TNRC6A: variants seen among roughly 807,000 people sequenced by gnomAD.
TNRC6A encodes the protein trinucleotide repeat containing adaptor 6A.
In TNRC6A, 44 loss-of-function variants were observed where a neutral mutation model predicts 221.2. The ratio of observed to expected loss-of-function variants is 0.20; its 90% CI spans 0.16 to 0.26. The LOEUF is 0.26. TNRC6A is among the 10% of genes least tolerant of loss of function. TNRC6A has a pLI of 1.00. For missense variants in TNRC6A, 2,199 were observed against 2,404.4 expected (o/e 0.91, Z 1.79); for synonymous variants, 847 against 838.5 (o/e 1.01, Z -0.18).
At chr16:24,797,011 T>C (rs1950514853) in intron 9 of TNRC6A, among the ~76,000 whole-genome samples, 1 of 152,204 alleles carries the variant, frequency 6.6e-6, no homozygotes, top group Admixed American at 6.5e-5. Flanking sequence ...AAAATACTTT[T>C]TCATGTGGAA....
chr16:24,816,871 C>G lies in TNRC6A; in HGVS notation c.4887C>G (p.Asp1629Glu). The change falls in exon 20 of 25, where the codon GAC becomes GAG. Residue 1629 changes from aspartate to glutamate, a missense_variant. Around this residue, in one of 8 missense-constraint regions of TNRC6A, gnomAD observed 449 missense variants for 579.7 expected, o/e 0.77. Transcript: ENST00000395799. ...ATCCAAACATTGACCCTGAAACTGA[C>G]CCTTACGTCACTCCTGGCAGTGTCA... ...KGYPNIDPET[D>E]PYVTPGSVIN... is the part of the protein sequence containing the mutation. 1 of 1,614,168 alleles carries G rather than the reference C, an allele frequency of 6.2e-7. No homozygotes were observed. The highest frequency in any genetic ancestry group is 8.5e-7 in the Non-Finnish European group (1 of 1,180,026).
intron 20 of TNRC6A, 34 bp from the exon 21 acceptor site, chr16:24,818,559 C>T (rs780208139): frequency 6.4e-7 from 1 of 1,563,780 alleles, no homozygotes; most frequent in African/African-American, 1.4e-5. Flanking sequence ...ACGTCCCTTG[C>T]TCTGGTGGCT....
At chr16:24,698,407 T>C (rs879857812) in intron 2 of TNRC6A, among the ~76,000 whole-genome samples, 3 of 151,978 alleles carry the variant, frequency 2.0e-5, no homozygotes, top group Non-Finnish European at 4.4e-5. Flanking sequence ...TCATAGGCAG[T>C]TGGAGTGAGA....
intron 2 of TNRC6A, among the ~76,000 whole-genome samples, chr16:24,711,119 C>T (rs2056197639): frequency 1.3e-5 from 2 of 152,170 alleles, no homozygotes; most frequent in Admixed American, 6.6e-5. Context: ...TCGTGATCCA[C>T]CTGCCTCGGC....
At position 24,806,262 on chromosome 16, in the gene TNRC6A, C is replaced by G. The variant is rs774402065; in HGVS notation, c.4308C>G (p.Asn1436Lys). The G allele has an allele frequency of 6.2e-7, 1 of 1,614,048 alleles. No individual in the cohort carries two copies. The highest frequency in any genetic ancestry group is 8.5e-7 in the Non-Finnish European group (1 of 1,180,040). Residue 1436 changes from asparagine to lysine, a missense_variant, in exon 16 of 25, where the codon AAC (asparagine) becomes AAG (lysine). Coordinates refer to ENST00000395799, the MANE Select transcript of TNRC6A (RefSeq NM_014494.4). ...AQSQRSVPSG[N>K]RPQQDQQGRP... ...GTCAGAGAAGCGTGCCTTCTGGGAA[C>G]CGGCCGCAGCAAGACCAGCAGGTAG...
intron 2 of TNRC6A, among the ~76,000 whole-genome samples, chr16:24,706,097 CACACTT>C (rs2056087841): frequency 6.6e-6 from 1 of 152,120 alleles, no homozygotes. Context: ...CACCAACGCT[CACACTT>C]ACAACATCAG....
chr16:24,816,627 C>A, intron 19 of TNRC6A, 189 bp from the exon 20 acceptor site: 1 of 662,162 alleles, frequency 1.5e-6, no homozygotes, highest in Non-Finnish European at 2.4e-6. Context: ...TAAAAACTTG[C>A]AAGTAATTTA....
rs148484325 is a variant in TNRC6A at position 24,799,539 on chromosome 16, G to A, written c.3694+1573G>A. 2.6e-3 allele frequency among the ~76,000 whole-genome samples: 399 copies of A among 152,216 alleles called. 4 individuals are homozygous for A. The highest frequency in any genetic ancestry group is 9.1e-3 in the African/African-American group (378 of 41,540). ...TAATCACCCCAGAAATTCAGTCACA[G>A]TTTGTTACCTAAAGACTGAATTATA... On this transcript the variant is annotated intron_variant, in intron 11 of 24. Transcript: ENST00000395799.
intron 2 of TNRC6A, among the ~76,000 whole-genome samples, chr16:24,673,673 A>G (rs757323481): frequency 6.6e-6 from 1 of 151,940 alleles, no homozygotes; most frequent in Non-Finnish European, 1.5e-5. Flanking sequence ...TAACCCTCCC[A>G]CCTCAGCCTC....
chr16:24,813,373 A>G (rs918087792), intron 18 of TNRC6A, among the ~76,000 whole-genome samples: 10 of 152,222 alleles, frequency 6.6e-5, no homozygotes, highest in African/African-American at 2.4e-4. Context: ...GAGCCTATTA[A>G]TAATTTCCAT....
In TNRC6A at chr16:24,781,981, C is replaced by T. The variant is rs190858664; in HGVS notation, c.589+4623C>T. On this transcript the variant is annotated intron_variant, in intron 5 of 24. Coordinates refer to ENST00000395799, the MANE Select transcript of TNRC6A (RefSeq NM_014494.4). The stretch of plus-strand genomic sequence containing the variant: ...GGGACTACAGGCGCCCGCCACCATG[C>T]CCGGCTAATTTTTTGTATTTTTAGT... Among the ~76,000 whole-genome samples, 1,118 of 152,278 alleles carry T rather than the reference C, an allele frequency of 7.3e-3. 19 individuals are homozygous for T. Among genetic ancestry groups the T allele is most frequent in the Non-Finnish European group, 0.011 (728 of 68,022 alleles).
intron 2 of TNRC6A, among the ~76,000 whole-genome samples, chr16:24,734,807 T>TAAA (rs2056726911): frequency 6.6e-6 from 1 of 152,254 alleles, no homozygotes; most frequent in East Asian, 1.9e-4. Flanking sequence ...TATCATGTAC[T>TAAA]AAATGTGTTT....
intron 2 of TNRC6A, among the ~76,000 whole-genome samples, chr16:24,688,090 G>A (rs1169138020): frequency 1.3e-5 from 2 of 148,258 alleles, no homozygotes; most frequent in African/African-American, 2.5e-5. Context: ...CCACCACCAT[G>A]CCCTGCTAAT....
intron 2 of TNRC6A, among the ~76,000 whole-genome samples, chr16:24,653,612 C>T (rs1000341593): frequency 9.2e-5 from 14 of 151,978 alleles, no homozygotes; most frequent in African/African-American, 3.4e-4. Context: ...CCTGTCTCTA[C>T]TAAAAATACA....
chr16:24,685,965 C>A (rs958770564), intron 2 of TNRC6A, among the ~76,000 whole-genome samples: 1 of 152,112 alleles, frequency 6.6e-6, no homozygotes, highest in African/African-American at 2.4e-5. Flanking sequence ...GTTGGCATGA[C>A]CCCTAGAACT....
intron 5 of TNRC6A, chr16:24,778,181 C>G (rs548839218): frequency 3.1e-4 from 146 of 476,100 alleles, no homozygotes; most frequent in African/African-American, 2.9e-3. Context: ...CCGGTGCCCC[C>G]ATATCCCAGT....
chr16:24,612,818 C>T (rs750515363), intron 1 of TNRC6A, among the ~76,000 whole-genome samples: 1 of 151,680 alleles, frequency 6.6e-6, no homozygotes, highest in East Asian at 1.9e-4. Flanking sequence ...CATTTGTGAA[C>T]GAAACAGAGA....
intron 2 of TNRC6A, among the ~76,000 whole-genome samples, chr16:24,739,888 G>A (rs959234000): frequency 2.0e-5 from 3 of 152,190 alleles, no homozygotes; most frequent in Middle Eastern, 3.4e-3. Flanking sequence ...CAAATCCAAG[G>A]TCACAAAGAT....
chr16:24,730,896 A>G (rs1220135696), intron 2 of TNRC6A, among the ~76,000 whole-genome samples: 1 of 151,718 alleles, frequency 6.6e-6, no homozygotes, highest in African/African-American at 2.4e-5. Context: ...ATCAGCTGGT[A>G]AAATAATTAA....
Sources: allele counts gnomAD v4.1 joint callset (sites outside exome capture counted in the v4.1 genomes callset), GRCh38; gene constraint gnomAD v4.1.1; regional missense constraint gnomAD v4.1.1; transcripts MANE v1.5; gene names NCBI Gene and HGNC (gene_info 2026-07-23, HGNC 2026-07-21).